The following GSTZ1 variants were observed in gnomAD, a reference collection of about 807,000 sequenced individuals.
GSTZ1 encodes the protein maleylacetoacetate isomerase.
A neutral mutation model predicts 35.9 loss-of-function variants in GSTZ1; 34 were observed. The ratio of observed to expected loss-of-function variants is 0.95; its 90% CI spans 0.72 to 1.26. The LOEUF (loss-of-function observed/expected upper bound fraction) is 1.26, where lower values mean the gene tolerates loss of function less well. GSTZ1 is among the 50% of genes most tolerant of loss of function. The pLI is 0.00. For synonymous variants in GSTZ1, 93 were observed against 101.2 expected (o/e 0.92, Z 0.49); for missense variants, 263 against 271.7 (o/e 0.97, Z 0.23).
chr14:77,328,201 C>T (rs1027491591), intron 5 of GSTZ1, 164 bp downstream of exon 5: 1 of 713,650 alleles, frequency 1.4e-6, no homozygotes, highest in Non-Finnish European at 2.3e-6. Context: ...AGATCGCAAT[C>T]TCAGAATTCA....
chr14:77,330,676 C>T (rs1303519154), intron 8 of GSTZ1, among the ~76,000 whole-genome samples: 2 of 152,138 alleles, frequency 1.3e-5, no homozygotes, highest in Non-Finnish European at 2.9e-5. Context: ...GTGAGCTCTA[C>T]CTCTGCATCC....
At chr14:77,324,680 C>T in intron 1 of GSTZ1, 190 bp from the exon 2 acceptor site, 1 of 1,311,702 alleles carries the variant, frequency 7.6e-7, no homozygotes, top group Non-Finnish European at 1.1e-6. Flanking sequence ...ACCTCAGGAG[C>T]TCAAACCAGC....
At chr14:77,324,700 G>C in intron 1 of GSTZ1, 170 bp from the exon 2 acceptor site, 2 of 1,220,598 alleles carry the variant, frequency 1.6e-6, no homozygotes, top group Admixed American at 2.0e-5. Context: ...CATAATTTTG[G>C]AGCCAAGGGA....
At chr14:77,328,229 C>T in intron 5 of GSTZ1, 192 bp downstream of exon 5, 1 of 607,856 alleles carries the variant, frequency 1.6e-6, no homozygotes, top group Non-Finnish European at 2.9e-6. Context: ...AGCGGGTCCC[C>T]CGCTGCGTTC....
chr14:77,321,221 G>C, intron 1 of GSTZ1, 38 bp downstream of exon 1: 3 of 1,520,972 alleles, frequency 2.0e-6, no homozygotes, highest in Non-Finnish European at 2.7e-6. Context: ...AAGCTGGTTA[G>C]ACACCTGGAG....
chr14:77,330,422 C>A, intron 8 of GSTZ1, 63 bp downstream of exon 8: 1 of 1,315,424 alleles, frequency 7.6e-7, no homozygotes, highest in Non-Finnish European at 1.1e-6. Context: ...CCCCACTCAG[C>A]TGGCGAGATA....
At chr14:77,330,502 C>A in intron 8 of GSTZ1, 143 bp downstream of exon 8, 2 of 732,092 alleles carry the variant, frequency 2.7e-6, no homozygotes, top group East Asian at 2.6e-5. Context: ...CCACTTCTGC[C>A]TGGAAGAGGG....
At chr14:77,325,075 T>G in intron 2 of GSTZ1, 154 bp downstream of exon 2, 1 of 675,062 alleles carries the variant, frequency 1.5e-6, no homozygotes, top group Admixed American at 2.1e-5. Flanking sequence ...AGAACCCCCA[T>G]CCCTGCATGG....
chr14:77,329,334 C>G (rs1249048935), intron 6 of GSTZ1, 133 bp downstream of exon 6: 1 of 702,840 alleles, frequency 1.4e-6, no homozygotes, highest in African/African-American at 1.8e-5. Flanking sequence ...GAGGGCAGGA[C>G]TGGGGAGGCA....
chr14:77,327,514 C>G lies in GSTZ1; in HGVS notation c.178C>G (p.Pro60Ala). ...GGCACTGAATCCTATGAAGCAGGTGCCAACCCTGAAGATTGATGGAATCAC... is the reference window on the plus strand; with the variant it reads ...GGCACTGAATCCTATGAAGCAGGTGGCAACCCTGAAGATTGATGGAATCAC... The part of the protein sequence containing the change: ...FQALNPMKQV[P>A]TLKIDGITIH... Residue 60 changes from proline (P) to alanine (A), a missense_variant, in exon 4 of 9, where the codon CCA becomes GCA. By Grantham distance (27) the Pro-to-Ala change is conservative (BLOSUM62 -1). Coordinates refer to ENST00000216465, the MANE Select transcript of GSTZ1 (RefSeq NM_145870.3). 1 of 1,608,720 alleles carries G rather than the reference C, an allele frequency of 6.2e-7. No homozygotes were observed. The highest frequency in any genetic ancestry group is 8.5e-7 in the Non-Finnish European group (1 of 1,177,122).
intron 4 of GSTZ1, 67 bp downstream of exon 4, chr14:77,327,619 C>T: frequency 9.5e-7 from 1 of 1,057,422 alleles, no homozygotes; most frequent in Non-Finnish European, 1.4e-6. Flanking sequence ...CCTGACATCT[C>T]TTCCTCGCCT....
At chr14:77,324,562 CAG>C in intron 1 of GSTZ1, 1 of 1,527,164 alleles carries the variant, frequency 6.5e-7, no homozygotes, top group Admixed American at 2.0e-5. Context: ...GAAGCTGTGC[CAG>C]AGGGGACATT....
At chr14:77,326,584 T>G in intron 2 of GSTZ1, 2 of 447,942 alleles carry the variant, frequency 4.5e-6, no homozygotes, top group Non-Finnish European at 8.2e-6. Flanking sequence ...AGGGCCCCAT[T>G]GGGGGGGTCC....
chr14:77,321,517 C>A, intron 1 of GSTZ1: 1 of 1,346,430 alleles, frequency 7.4e-7, no homozygotes. Context: ...CCCAAGCCTC[C>A]CAATTTCTCG....
At chr14:77,325,532 G>A (rs971098889) in intron 2 of GSTZ1, 2 of 152,490 alleles carry the variant, frequency 1.3e-5, no homozygotes, top group African/African-American at 2.4e-5. Context: ...GTATAGAGGA[G>A]GAAGCTGAGG....
rs953031630 is a variant in GSTZ1 at position 77,321,111 on chromosome 14, G to T, written c.-58G>T. 7.0e-7 allele frequency: 1 copy of T among 1,435,522 alleles called. No individual in the cohort carries two copies. Among genetic ancestry groups the T allele is most frequent in the East Asian group, 2.6e-5 (1 of 38,898 alleles). 88.9% of individuals were successfully genotyped at this position (1,435,522 alleles called of 1,614,324 possible). On this transcript the variant is annotated 5_prime_UTR_variant, in exon 1 of 9. Coordinates refer to ENST00000216465, the MANE Select transcript of GSTZ1 (RefSeq NM_145870.3). ...CGAGTCTCACTGAGCCTTAGTCGTC[G>T]GCAGGTCCCAGGCGCGAAGTTTCTC...
At position 77,327,190 on chromosome 14, in the gene GSTZ1, T is replaced by G. The variant is rs1292472997; in HGVS notation, c.136-282T>G. 5.0e-6 allele frequency: 3 copies of G among 594,158 alleles called. No homozygotes were observed. The Admixed American group carries it at 8.9e-5, about 18-fold the overall frequency. The allele number at this position is 594,158 out of a possible 1,614,324, so 36.8% of individuals were successfully genotyped here. On this transcript the variant is annotated intron_variant, in intron 3 of 8. Transcript: ENST00000216465. Reference sequence around the variant, plus strand: ...TGGGTCCCCACCCCATACTGGGCCCTCTGGATGGCTGACTAGGGTAGGAGC... The same window carrying G: ...TGGGTCCCCACCCCATACTGGGCCCGCTGGATGGCTGACTAGGGTAGGAGC...
At chr14:77,330,147 C>T in intron 7 of GSTZ1, 163 bp from the exon 8 acceptor site, 2 of 766,060 alleles carry the variant, frequency 2.6e-6, no homozygotes, top group South Asian at 2.7e-5. Flanking sequence ...CTCCGGGGGA[C>T]AGACTCATGC....
At chr14:77,323,703 A>G (rs1258198056) in intron 1 of GSTZ1, 1 of 152,216 alleles carries the variant, frequency 6.6e-6, no homozygotes, top group African/African-American at 2.4e-5. Context: ...GTGTTGAGCA[A>G]ACAGAAATTC....
Sources: allele counts gnomAD v4.1 joint callset (sites outside exome capture counted in the v4.1 genomes callset), GRCh38; gene constraint gnomAD v4.1.1; transcripts MANE v1.5; gene names NCBI Gene and HGNC (gene_info 2026-07-23, HGNC 2026-07-21).